RETREG3: variants seen among roughly 807,000 people sequenced by gnomAD.
RETREG3 encodes reticulophagy regulator family member 3, also known as reticulophagy regulator 3.
In RETREG3, 23 loss-of-function variants were observed where a neutral mutation model predicts 50.2. The ratio of observed to expected loss-of-function variants is 0.46; its 90% CI spans 0.33 to 0.65. The LOEUF (loss-of-function observed/expected upper bound fraction) is 0.65, where lower values mean the gene tolerates loss of function less well. Ranked by LOEUF, RETREG3 falls within the 30% of genes least tolerant of loss-of-function variation. The pLI is 0.02. For missense variants in RETREG3, 546 were observed against 598.0 expected (o/e 0.91, Z 0.91); for synonymous variants, 240 against 234.4 (o/e 1.02, Z -0.22).
intron 1 of RETREG3, 77 bp downstream of exon 1, chr17:42,609,009 G>A (rs1567929182): frequency 2.1e-6 from 3 of 1,416,328 alleles, no homozygotes; most frequent in Non-Finnish European, 2.9e-6. Flanking sequence ...AAGAAAACAG[G>A]GCAGGCGAGA....
intron 2 of RETREG3, among the ~76,000 whole-genome samples, chr17:42,588,880 C>T (rs1389838746): frequency 6.6e-6 from 1 of 152,148 alleles, no homozygotes; most frequent in East Asian, 1.9e-4. Flanking sequence ...TGGTCTTGAA[C>T]TCCTGACTTC....
At chr17:42,605,851 C>T (rs945915620) in intron 1 of RETREG3, among the ~76,000 whole-genome samples, 6 of 151,930 alleles carry the variant, frequency 3.9e-5, no homozygotes, top group Non-Finnish European at 8.8e-5. Context: ...ATTAGCCAGA[C>T]GTGATGGTGG....
chr17:42,583,622 G>C (rs751537430), intron 6 of RETREG3, 42 bp from the exon 7 acceptor site: 1 of 1,582,850 alleles, frequency 6.3e-7, no homozygotes, highest in Non-Finnish European at 8.6e-7. Context: ...CCTTCTCCCA[G>C]CGTAAAATCC....
In RETREG3 at chr17:42,606,503, A is replaced by T. The variant is rs1173277737; in HGVS notation, c.239+2583T>A. Among the ~76,000 whole-genome samples the T allele has an allele frequency of 2.0e-5, 3 of 151,954 alleles. No individual in the cohort carries two copies. The East Asian group carries it at 5.8e-4, about 29-fold the overall frequency. On this transcript the variant is annotated intron_variant, in intron 1 of 8. Coordinates refer to ENST00000309428, the MANE Select transcript of RETREG3 (RefSeq NM_178126.4). ...GCAATCCTAGCTACTCGGGAGACTG[A>T]GTCAGGAGAATGGCGTGAACCCGGG...
chr17:42,589,496 G>A (rs147809117), intron 2 of RETREG3, among the ~76,000 whole-genome samples: 2,269 of 152,236 alleles, frequency 0.015, 54 homozygotes, highest in African/African-American at 0.052. Context: ...ACAGTGGTGC[G>A]ATCACGGCTC....
At position 42,609,361 on chromosome 17, in the gene RETREG3, C is replaced by A; in HGVS notation, c.-37G>T. 1 of 1,559,984 alleles carries A rather than the reference C, an allele frequency of 6.4e-7. No individual in the cohort carries two copies. Among genetic ancestry groups the A allele is most frequent in the Non-Finnish European group, 8.7e-7 (1 of 1,155,492 alleles). On this transcript the variant is annotated 5_prime_UTR_variant, in exon 1 of 9. Transcript: ENST00000309428. Reference sequence around the variant, plus strand: ...AGCCACAACATCCGGGGCCGTGGCCCGACAAGTCACAATAACAGCAACTGC... The same window carrying A: ...AGCCACAACATCCGGGGCCGTGGCCAGACAAGTCACAATAACAGCAACTGC...
At chr17:42,587,811 G>C (rs774244453) in intron 3 of RETREG3, 23 bp downstream of exon 3, 1 of 1,613,952 alleles carries the variant, frequency 6.2e-7, no homozygotes, top group South Asian at 1.1e-5. Flanking sequence ...GCAACAAAAA[G>C]GGATTTAATT....
Position 42,609,355 on chromosome 17 carries a change from GT to G in RETREG3, c.-32del, listed in dbSNP as rs1373898430. The G allele has an allele frequency of 5.1e-6, 8 of 1,576,960 alleles. No homozygotes were observed. In the East Asian group the frequency reaches 1.8e-4, roughly 35 times the overall value. ...CGCGGCAGCCACAACATCCGGGGCC[GT>G]GGCCCGACAAGTCACAATAACAGCA... On this transcript the variant is annotated 5_prime_UTR_variant, in exon 1 of 9. Transcript: ENST00000309428.
At position 42,586,752 on chromosome 17, in the gene RETREG3, G is replaced by A. The variant is rs1216831516; in HGVS notation, c.504+13C>T. The stretch of plus-strand genomic sequence containing the variant: ...GAGGCCAGAGATGAAAGTGAAAAAG[G>A]GAAGAGTCTTACCTTGCCTGGGTTT... On this transcript the variant is annotated intron_variant, in intron 4 of 8. Transcript: ENST00000309428. The A allele has an allele frequency of 6.2e-7, 1 of 1,612,708 alleles. No homozygotes were observed. The highest frequency in any genetic ancestry group is 1.3e-5 in the African/African-American group (1 of 75,012).
In RETREG3 at chr17:42,580,063, GC is replaced by G. The variant is rs2093104064; in HGVS notation, c.*1749del. 1.3e-5 allele frequency: 2 copies of G among 152,800 alleles called. No individual in the cohort carries two copies. The allele number at this position is 152,800 out of a possible 1,614,324, so 9.5% of individuals were successfully genotyped here. ...GACAGAAGCGTTTGGCTTGAGCTCT[GC>G]TTGGGGAGGCAGAGGCTATAGACTG... On this transcript the variant is annotated 3_prime_UTR_variant, in exon 9 of 9. Coordinates refer to ENST00000309428, the MANE Select transcript of RETREG3 (RefSeq NM_178126.4).
At chr17:42,585,404 AGTCTCCCCTACACATGAAG>A in intron 5 of RETREG3, 142 bp from the exon 6 acceptor site, 4 of 1,222,976 alleles carry the variant, frequency 3.3e-6, no homozygotes, top group Non-Finnish European at 4.5e-6. Flanking sequence ...CATCTTCACC[AGTCTCCCCTACACATGAAG>A]GAGTCTTTGA....
At chr17:42,601,189 A>T (rs1454570424) in intron 1 of RETREG3, among the ~76,000 whole-genome samples, 1 of 152,146 alleles carries the variant, frequency 6.6e-6, no homozygotes, top group African/African-American at 2.4e-5. Flanking sequence ...AGGCAGGAGA[A>T]CTGCTTGAAT....
At chr17:42,599,339 G>T (rs35331701) in intron 1 of RETREG3, among the ~76,000 whole-genome samples, 1 of 152,066 alleles carries the variant, frequency 6.6e-6, no homozygotes, top group Non-Finnish European at 1.5e-5. Context: ...GTATCCTTTA[G>T]GTGGTAGGCT....
At chr17:42,595,798 T>C (rs1033764116) in intron 1 of RETREG3, among the ~76,000 whole-genome samples, 5 of 148,954 alleles carry the variant, frequency 3.4e-5, no homozygotes, top group African/African-American at 9.9e-5. Flanking sequence ...CTCAGCGCGC[T>C]GAGGCAGGAG....
At chr17:42,601,402 C>A (rs1429597913) in intron 1 of RETREG3, among the ~76,000 whole-genome samples, 1 of 151,082 alleles carries the variant, frequency 6.6e-6, no homozygotes, top group Non-Finnish European at 1.5e-5. Context: ...GAAACCCTGG[C>A]TCTACTAAAA....
At chr17:42,604,638 C>G (rs1254478896) in intron 1 of RETREG3, among the ~76,000 whole-genome samples, 1 of 150,384 alleles carries the variant, frequency 6.6e-6, no homozygotes, top group African/African-American at 2.5e-5. Flanking sequence ...CCACTGCACT[C>G]CAGCCTGGGC....
rs1291241657 is a variant in RETREG3 at position 42,582,954 on chromosome 17, C to T, written c.811-148G>A. ...ATAGATGGTAACTTCCCGTTGAAAA[C>T]TCCCTCTCCCCTTTATTTTTTTTTT... is the stretch of plus-strand genomic sequence containing the variant. On this transcript the variant is annotated intron_variant, in intron 7 of 8. Coordinates refer to ENST00000309428, the MANE Select transcript of RETREG3 (RefSeq NM_178126.4). The T allele has an allele frequency of 1.3e-5, 13 of 1,018,836 alleles. No individual in the cohort carries two copies. The East Asian group carries it at 2.5e-4, about 19-fold the overall frequency. The allele number at this position is 1,018,836 out of a possible 1,614,324, so 63.1% of individuals were successfully genotyped here. A position where few individuals can be genotyped will look rare whatever the true frequency, so the allele number is the denominator to read the frequency against.
intron 3 of RETREG3, 104 bp from the exon 4 acceptor site, chr17:42,586,995 G>C: frequency 6.7e-7 from 1 of 1,481,590 alleles, no homozygotes; most frequent in Non-Finnish European, 9.2e-7. Flanking sequence ...GGTTTGGGGA[G>C]TGACTAGGCC....
intron 7 of RETREG3, 122 bp from the exon 8 acceptor site, chr17:42,582,928 G>A: frequency 7.8e-7 from 1 of 1,288,574 alleles, no homozygotes; most frequent in Non-Finnish European, 1.1e-6. Context: ...TGTAACCAGG[G>A]ATAGATGGTA....
Sources: allele counts gnomAD v4.1 joint callset (sites outside exome capture counted in the v4.1 genomes callset), GRCh38; gene constraint gnomAD v4.1.1; transcripts MANE v1.5; gene names NCBI Gene and HGNC (gene_info 2026-07-23, HGNC 2026-07-21).